The following KHDRBS2 variants were observed in gnomAD, a reference collection of about 807,000 sequenced individuals.
The protein encoded by KHDRBS2 is KH domain-containing, RNA-binding, signal transduction-associated protein 2.
In KHDRBS2, 26 loss-of-function variants were observed where a neutral mutation model predicts 44.3. That is an observed-to-expected ratio of 0.59 (90% confidence interval 0.43 to 0.81). The LOEUF (loss-of-function observed/expected upper bound fraction) is 0.81. KHDRBS2 is among the 40% of genes least tolerant of loss of function. The probability of loss-of-function intolerance (pLI) is 0.00; values close to 1 mark genes in which losing one functional copy is unlikely to be tolerated. For missense variants in KHDRBS2, 476 were observed against 433.1 expected (o/e 1.10, Z -0.88); for synonymous variants, 194 against 151.1 (o/e 1.28, Z -2.08).
At chr6:61,726,637 C>G (rs2127558251) in intron 7 of KHDRBS2, among the ~76,000 whole-genome samples, 1 of 152,146 alleles carries the variant, frequency 6.6e-6, no homozygotes, top group East Asian at 1.9e-4. Context: ...AATAGACAAG[C>G]AGAGAGCCAA....
intron 4 of KHDRBS2, among the ~76,000 whole-genome samples, chr6:61,906,721 A>G (rs2127347598): frequency 6.6e-6 from 1 of 152,254 alleles, no homozygotes; most frequent in South Asian, 2.1e-4. Flanking sequence ...GTTGCAAATG[A>G]CAGGATTTTA....
the KHDRBS2 span, among the ~76,000 whole-genome samples, chr6:61,582,051 T>A: frequency 6.6e-6 from 1 of 151,842 alleles, no homozygotes; most frequent in African/African-American, 2.4e-5. Context: ...TATTACAACT[T>A]CTAATTATTT....
intron 6 of KHDRBS2, among the ~76,000 whole-genome samples, chr6:61,859,987 A>T (rs1441394571): frequency 1.3e-5 from 2 of 152,032 alleles, no homozygotes; most frequent in South Asian, 2.1e-4. Flanking sequence ...GACATAGAGA[A>T]GAGTGTATGA....
At position 62,177,214 on chromosome 6, in the gene KHDRBS2, C is replaced by T. The variant is rs981185805; in HGVS notation, c.190G>A (p.Val64Ile). Residue 64 changes from valine to isoleucine, a missense_variant, in exon 2 of 9, where the codon GTA (valine) becomes ATA (isoleucine). Val to Ile is a conservative substitution (Grantham distance 29). Transcript: ENST00000281156. The stretch of plus-strand genomic sequence containing the variant: ...GGATACTGCTTGACAGGAATCAGTA[C>T]TCTTTCTGAGAGCTTTATGTTTTTG... ...SNKNIKLSER[V>I]LIPVKQYPKF... 6.3e-7 allele frequency: 1 copy of T among 1,589,980 alleles called. No individual in the cohort carries two copies. The highest frequency in any genetic ancestry group is 1.1e-5 in the South Asian group (1 of 90,192).
intron 2 of KHDRBS2, among the ~76,000 whole-genome samples, chr6:62,086,184 A>T (rs1265327797): frequency 3.3e-5 from 5 of 152,146 alleles, no homozygotes; most frequent in Non-Finnish European, 7.4e-5. Context: ...AGAAGCATGA[A>T]ATTTAGCTTA....
At chr6:62,067,002 A>C (rs1207670407) in intron 2 of KHDRBS2, among the ~76,000 whole-genome samples, 2 of 151,622 alleles carry the variant, frequency 1.3e-5, no homozygotes, top group African/African-American at 4.8e-5. Context: ...GTAAATTAAA[A>C]AGTTAATTTT....
Position 62,069,059 on chromosome 6 carries a change from A to ATTGTCATCTTAGCAATAGAG in KHDRBS2, c.220-21085_220-21066dup, listed in dbSNP as rs1161916994. On this transcript the variant is annotated intron_variant, in intron 2 of 8. Coordinates refer to ENST00000281156, the MANE Select transcript of KHDRBS2 (RefSeq NM_152688.4). ...GGATTTTGATACAGATTGGATTGAA[A>ATTGTCATCTTAGCAATAGAG]TTGTCATCTTAGCAATAGAGTTGAC... 7.2e-5 allele frequency among the ~76,000 whole-genome samples: 11 copies of ATTGTCATCTTAGCAATAGAG among 151,744 alleles called. No individual in the cohort carries two copies. In the East Asian group the frequency reaches 2.2e-3, roughly 30 times the overall value.
chr6:61,831,329 C>T (rs1415814016), intron 6 of KHDRBS2, among the ~76,000 whole-genome samples: 2 of 151,902 alleles, frequency 1.3e-5, no homozygotes, highest in Non-Finnish European at 2.9e-5. Context: ...ACCAGTTGTC[C>T]AACTCCTGAA....
At chr6:61,929,928 C>T (rs1809694864) in intron 4 of KHDRBS2, among the ~76,000 whole-genome samples, 1 of 152,134 alleles carries the variant, frequency 6.6e-6, no homozygotes, top group East Asian at 1.9e-4. Flanking sequence ...TCCCTCCTTC[C>T]TATGGTCTGA....
chr6:61,732,710 C>T lies in KHDRBS2; in HGVS notation c.865G>A (p.Asp289Asn). ...TGTGTTTGGGTCGCATAGCTGTTAT[C>T]ATAAGTCTCATAGGTCTGGTCATCA... Reference protein sequence around the residue: ...EYDDQTYETYDNSYATQTQSV... With the variant: ...EYDDQTYETYNNSYATQTQSV... The change falls in exon 7 of 9, where the codon GAT (aspartate) becomes AAT (asparagine). Residue 289 changes from aspartate to asparagine, a missense_variant. Transcript: ENST00000281156. 1.2e-6 allele frequency: 2 copies of T among 1,611,242 alleles called. No homozygotes were observed. Among genetic ancestry groups the T allele is most frequent in the South Asian group, 2.2e-5 (2 of 91,024 alleles).
intron 6 of KHDRBS2, among the ~76,000 whole-genome samples, chr6:61,828,139 C>T (rs1791211332): frequency 6.6e-6 from 1 of 152,160 alleles, no homozygotes; most frequent in Non-Finnish European, 1.5e-5. Flanking sequence ...TTGCCCAAGC[C>T]TTCTGGATTT....
At position 61,954,876 on chromosome 6, in the gene KHDRBS2, G is replaced by GTATA. The variant is rs1554290747; in HGVS notation, c.483+23186_483+23189dup. 3.3e-3 allele frequency among the ~76,000 whole-genome samples: 94 copies of GTATA among 28,242 alleles called. 38 individuals are homozygous for GTATA. The highest frequency in any genetic ancestry group is 9.1e-3 in the African/African-American group (82 of 8,988). 18.5% of individuals were successfully genotyped at this position (28,242 alleles called of 152,430 possible). A position where few individuals can be genotyped will look rare whatever the true frequency, so the allele number is the denominator to read the frequency against. ...CATGTGTATATACACATACATATGT[G>GTATA]TATATATGTATATATACACATACAT... On this transcript the variant is annotated intron_variant, in intron 4 of 8. Transcript: ENST00000281156.
chr6:61,570,277 G>A, the KHDRBS2 span, among the ~76,000 whole-genome samples: 1 of 152,054 alleles, frequency 6.6e-6, no homozygotes, highest in South Asian at 2.1e-4. Context: ...ACAAATTACA[G>A]TGCAAAGTTT....
chr6:61,558,986 G>T, the KHDRBS2 span, among the ~76,000 whole-genome samples: 20 of 152,140 alleles, frequency 1.3e-4, no homozygotes, highest in Middle Eastern at 3.4e-3. Context: ...CCTGTCTGGT[G>T]GATCTGTCCA....
At chr6:62,153,183 T>C (rs994333481) in intron 2 of KHDRBS2, among the ~76,000 whole-genome samples, 54 of 152,200 alleles carry the variant, frequency 3.5e-4, no homozygotes, top group Non-Finnish European at 1.5e-4. Flanking sequence ...AAACTATGAA[T>C]GAATTGAACA....
chr6:61,701,056 G>C (rs1226666500), intron 7 of KHDRBS2, among the ~76,000 whole-genome samples: 1 of 151,792 alleles, frequency 6.6e-6, no homozygotes, highest in Non-Finnish European at 1.5e-5. Flanking sequence ...AGGGTGGTGG[G>C]TGCAAAGAAA....
At chr6:61,917,819 GT>G (rs1340651391) in intron 4 of KHDRBS2, among the ~76,000 whole-genome samples, 3 of 151,962 alleles carry the variant, frequency 2.0e-5, no homozygotes, top group African/African-American at 7.2e-5. Flanking sequence ...CAATTAATTT[GT>G]TTTGATTGAT....
chr6:62,215,114 A>G (rs1430336955), intron 1 of KHDRBS2, among the ~76,000 whole-genome samples: 3 of 151,990 alleles, frequency 2.0e-5, no homozygotes, highest in Non-Finnish European at 4.4e-5. Context: ...AGTCAGAACC[A>G]GTTGAAAAAT....
At chr6:62,237,137 G>A (rs1215212409) in intron 1 of KHDRBS2, among the ~76,000 whole-genome samples, 3 of 152,124 alleles carry the variant, frequency 2.0e-5, no homozygotes, top group Non-Finnish European at 2.9e-5. Context: ...GTTTTATATG[G>A]AAGAGACTCT....
Sources: allele counts gnomAD v4.1 joint callset (sites outside exome capture counted in the v4.1 genomes callset), GRCh38; gene constraint gnomAD v4.1.1; transcripts MANE v1.5; gene names NCBI Gene and HGNC (gene_info 2026-07-23, HGNC 2026-07-21).